Variants in TUBD1 observed in about 807,000 individuals in gnomAD.
The protein encoded by TUBD1 is tubulin delta chain.
TUBD1 carries 38 observed loss-of-function variants against 51.2 expected under a neutral mutation model. That is an observed-to-expected ratio of 0.74 (90% CI 0.57 to 0.97). The LOEUF (loss-of-function observed/expected upper bound fraction) is 0.97, where lower values mean the gene tolerates loss of function less well. TUBD1 is among the 50% of genes least tolerant of loss of function. The pLI, the probability that TUBD1 is intolerant of heterozygous loss-of-function variation, is 0.00. For synonymous variants in TUBD1, 169 were observed against 178.2 expected (o/e 0.95, Z 0.41); for missense variants, 489 against 538.4 (o/e 0.91, Z 0.91).
intron 3 of TUBD1, 188 bp from the exon 4 acceptor site, chr17:59,881,298 T>C: frequency 1.7e-6 from 1 of 585,028 alleles, no homozygotes; most frequent in South Asian, 2.2e-5. Flanking sequence ...TTAACCCACT[T>C]ATGCCTAGTG....
chr17:59,868,421 C>T (rs1166132721), intron 6 of TUBD1, among the ~76,000 whole-genome samples: 2 of 151,938 alleles, frequency 1.3e-5, no homozygotes, highest in African/African-American at 4.8e-5. Flanking sequence ...AGAGGCCAGG[C>T]GCGGTGGCTC....
At position 59,885,097 on chromosome 17, in the gene TUBD1, C is replaced by G. The variant is rs892651573; in HGVS notation, c.320+986G>C. 2.3e-5 allele frequency: 8 copies of G among 350,800 alleles called. No individual in the cohort carries two copies. The Admixed American group carries it at 2.3e-4, about 10-fold the overall frequency. 21.7% of individuals were successfully genotyped at this position (350,800 alleles called of 1,614,324 possible). On this transcript the variant is annotated intron_variant, in intron 3 of 8. Coordinates refer to ENST00000325752, the MANE Select transcript of TUBD1 (RefSeq NM_016261.4). ...AAAGTGGTGCCGCTGGGCGCAAGGA[C>G]AGCCTCCCGCATAACCAATGACATG... is the stretch of plus-strand genomic sequence containing the variant.
chr17:59,864,690 G>C (rs902713731), intron 7 of TUBD1, among the ~76,000 whole-genome samples: 5 of 151,970 alleles, frequency 3.3e-5, no homozygotes, highest in Admixed American at 3.3e-4. Context: ...TAGAGATGGG[G>C]TCTCACTATG....
chr17:59,888,483 T>C (rs566594365), intron 2 of TUBD1, among the ~76,000 whole-genome samples: 5 of 152,286 alleles, frequency 3.3e-5, no homozygotes, highest in East Asian at 1.9e-4. Context: ...GCCTTGGGAA[T>C]AGAGATGTTG....
chr17:59,876,651 C>T (rs1170927652), intron 5 of TUBD1, among the ~76,000 whole-genome samples: 1 of 151,866 alleles, frequency 6.6e-6, no homozygotes, highest in African/African-American at 2.4e-5. Context: ...GCCACCACAC[C>T]CGGCCACTTT....
chr17:59,889,076 C>T (rs772425034), intron 2 of TUBD1, among the ~76,000 whole-genome samples: 34 of 125,468 alleles, frequency 2.7e-4, no homozygotes, highest in Non-Finnish European at 4.5e-4. Context: ...AGTGCAGTGG[C>T]GAGATCTCGG....
At chr17:59,865,768 A>C (rs8069075) in intron 7 of TUBD1, among the ~76,000 whole-genome samples, 35,935 of 152,096 alleles carry the variant, frequency 0.24, 7,824 homozygotes, top group African/African-American at 0.58. Context: ...AGAACTCAGT[A>C]CCAGTCAATG....
intron 3 of TUBD1, chr17:59,885,660 C>G: frequency 1.6e-6 from 1 of 610,836 alleles, no homozygotes; most frequent in Non-Finnish European, 2.8e-6. Flanking sequence ...GTTAAAAAAA[C>G]AAAACAAAAC....
At chr17:59,873,065 A>G (rs543436924) in intron 6 of TUBD1, among the ~76,000 whole-genome samples, 2 of 151,726 alleles carry the variant, frequency 1.3e-5, no homozygotes, top group South Asian at 2.1e-4. Flanking sequence ...GCCCAGGCCA[A>G]TTCTCAATTT....
chr17:59,867,752 TA>T (rs1044554842), intron 6 of TUBD1, among the ~76,000 whole-genome samples: 3 of 151,950 alleles, frequency 2.0e-5, no homozygotes, highest in Admixed American at 2.0e-4. Context: ...TAATGGGATG[TA>T]ACTTTTGGGG....
At chr17:59,890,326 C>T (rs1274604685) in intron 2 of TUBD1, among the ~76,000 whole-genome samples, 1 of 152,130 alleles carries the variant, frequency 6.6e-6, no homozygotes. Flanking sequence ...TCACTGCAAC[C>T]TCTGCCTCCT....
At chr17:59,882,468 G>A (rs1426824728) in intron 3 of TUBD1, among the ~76,000 whole-genome samples, 2 of 151,458 alleles carry the variant, frequency 1.3e-5, no homozygotes. Flanking sequence ...TGTATTTTTA[G>A]TACAGACAGG....
chr17:59,862,914 C>T (rs547854930), intron 8 of TUBD1, among the ~76,000 whole-genome samples: 16 of 151,706 alleles, frequency 1.1e-4, no homozygotes, highest in African/African-American at 2.2e-4. Flanking sequence ...TTAGTAGAGA[C>T]GGGGTTTCAC....
chr17:59,870,372 CAAAAAAAAAAAAAAAA>C (rs530315478), intron 6 of TUBD1, among the ~76,000 whole-genome samples: 38 of 77,970 alleles, frequency 4.9e-4, no homozygotes, highest in Non-Finnish European at 8.2e-4. Flanking sequence ...CTCCATCTCA[CAAAAAAAAAAAAAAAA>C]AAAAAAAAAA....
intron 2 of TUBD1, among the ~76,000 whole-genome samples, chr17:59,889,116 T>G (rs1215853567): frequency 2.1e-5 from 3 of 142,558 alleles, no homozygotes; most frequent in Non-Finnish European, 3.0e-5. Flanking sequence ...CGGGTTCAAG[T>G]GATTCTCCTG....
rs2039866490 is a variant in TUBD1 at position 59,869,246 on chromosome 17, CG to C, written c.935-2498del. Among the ~76,000 whole-genome samples the C allele has an allele frequency of 6.6e-5, 10 of 151,750 alleles. No individual in the cohort carries two copies. In the South Asian group the frequency reaches 2.1e-3, roughly 32 times the overall value. On this transcript the variant is annotated intron_variant, in intron 6 of 8. Coordinates refer to ENST00000325752, the MANE Select transcript of TUBD1 (RefSeq NM_016261.4). ...ATCCCAGAACTTTGGGAGGCCAAGG[CG>C]GGCAAATCACAAGGTCAGGAGTTCA...
chr17:59,868,664 C>T (rs2039831433), intron 6 of TUBD1, among the ~76,000 whole-genome samples: 1 of 152,064 alleles, frequency 6.6e-6, no homozygotes, highest in African/African-American at 2.4e-5. Flanking sequence ...TGGTGAAACC[C>T]CATCTCTACT....
intron 5 of TUBD1, among the ~76,000 whole-genome samples, chr17:59,875,736 ACT>A (rs1419099200): frequency 6.8e-6 from 1 of 147,510 alleles, no homozygotes; most frequent in African/African-American, 2.5e-5. Context: ...ACAAAGCAAG[ACT>A]CTGTCTCAAA....
intron 2 of TUBD1, 73 bp downstream of exon 2, chr17:59,890,758 A>C (rs1386481634): frequency 3.1e-6 from 4 of 1,303,418 alleles, no homozygotes; most frequent in Admixed American, 5.3e-5. Context: ...GGGTTTAAAA[A>C]CCATGTGGAA....
Sources: allele counts gnomAD v4.1 joint callset (sites outside exome capture counted in the v4.1 genomes callset), GRCh38; gene constraint gnomAD v4.1.1; transcripts MANE v1.5; gene names NCBI Gene and HGNC (gene_info 2026-07-23, HGNC 2026-07-21).